ATP2A3: variants seen among roughly 807,000 people sequenced by gnomAD.
The protein encoded by ATP2A3 is ATPase sarcoplasmic/endoplasmic reticulum Ca2+ transporting 3.
ATP2A3 carries 61 observed loss-of-function variants against 106.8 expected under a neutral mutation model. The observed-to-expected ratio is 0.57, with a 90% CI of 0.46 to 0.71. The LOEUF (loss-of-function observed/expected upper bound fraction) is 0.71. Among genes scored for constraint, ATP2A3 ranks in the 30% least tolerant of loss-of-function variants. ATP2A3 has a pLI of 0.00. For missense variants in ATP2A3, 1,201 were observed against 1,423.5 expected, an observed-to-expected ratio of 0.84 and a Z score of 2.52; for synonymous variants, 611 against 609.3, an observed-to-expected ratio of 1.00 and a Z score of -0.04.
intron 5 of ATP2A3, among the ~76,000 whole-genome samples, 196 bp from the exon 6 acceptor site, chr17:3,950,969 C>T (rs1040517479): frequency 6.6e-6 from 1 of 151,908 alleles, no homozygotes; most frequent in Admixed American, 6.6e-5. Flanking sequence ...TGGAGGGATC[C>T]GACAGCCACC....
chr17:3,958,867 T>TAC lies in ATP2A3; in HGVS notation c.119-5158_119-5157insGT, dbSNP rs1467119697. The stretch of plus-strand genomic sequence containing the variant: ...ATATATAAATATATATATATATATA[T>TAC]ATACACACACACACACACACATATA... On this transcript the variant is annotated intron_variant, in intron 1 of 20. Transcript: ENST00000397041. 5.5e-4 allele frequency among the ~76,000 whole-genome samples: 56 copies of TAC among 102,524 alleles called. 1 individual carries two copies. Among genetic ancestry groups the TAC allele is most frequent in the African/African-American group, 2.6e-3 (53 of 20,216 alleles). The allele number at this position is 102,524 out of a possible 152,430, so 67.3% of individuals were successfully genotyped here. A position where few individuals can be genotyped will look rare whatever the true frequency, so the allele number is the denominator to read the frequency against.
Position 3,929,774 on chromosome 17 carries a change from T to C in ATP2A3, c.2745-329A>G, listed in dbSNP as rs1372028565. Among the ~76,000 whole-genome samples the C allele has an allele frequency of 6.6e-6, 1 of 151,032 alleles. No individual in the cohort carries two copies. Among genetic ancestry groups the C allele is most frequent in the African/African-American group, 2.4e-5 (1 of 40,936 alleles). On this transcript the variant is annotated intron_variant, in intron 18 of 20. Transcript: ENST00000397041. This position sits in a 1 kb window ranked among gnomAD's most constrained non-coding sequence, Gnocchi z 4.3. Reference sequence around the variant, plus strand: ...TTGGATCCCAATCTTGGACCCCCACTGACCCCCAGACCCTAATCCTGGACC... The same window carrying C: ...TTGGATCCCAATCTTGGACCCCCACCGACCCCCAGACCCTAATCCTGGACC...
rs1009637068 is a variant in ATP2A3, at chr17:3,948,511, C to G, written c.631-656G>C. Among the ~76,000 whole-genome samples, 6 of 152,166 alleles carry G rather than the reference C, an allele frequency of 3.9e-5. No homozygotes were observed. The South Asian group carries it at 1.0e-3, about 26-fold the overall frequency. On this transcript the variant is annotated intron_variant, in intron 7 of 20. Transcript: ENST00000397041. ...GTCTTAAGCAACGTAGCTCCAGCCC[C>G]CAACATGCAGGGCCCAGCCAGACAC... is the stretch of plus-strand genomic sequence containing the variant.
intron 1 of ATP2A3, among the ~76,000 whole-genome samples, chr17:3,954,197 C>T (rs2875752): frequency 1.3e-5 from 2 of 152,122 alleles, no homozygotes; most frequent in Non-Finnish European, 2.9e-5. Flanking sequence ...CCAGCTCAGG[C>T]GCCTTCCGCT....
rs1294599615 is a variant in ATP2A3, at chr17:3,940,043, G to GTTTTT, written c.2100+923_2100+927dup. On this transcript the variant is annotated intron_variant, in intron 14 of 20. Coordinates refer to ENST00000397041, the MANE Select transcript of ATP2A3 (RefSeq NM_005173.4). ...TAATGTGTCATATCTTTTTTTTTTT[G>GTTTTT]TTTTTTGTTTTTTTTTTTTTTGGAG... Among the ~76,000 whole-genome samples, 35 of 87,602 alleles carry GTTTTT rather than the reference G, an allele frequency of 4.0e-4. 3 individuals carry two copies. Among genetic ancestry groups the GTTTTT allele is most frequent in the Admixed American group, 5.1e-4 (4 of 7,890 alleles). The allele number at this position is 87,602 out of a possible 152,430, so 57.5% of individuals were successfully genotyped here.
intron 7 of ATP2A3, 89 bp downstream of exon 7, chr17:3,950,422 C>T (rs2054349463): frequency 1.4e-6 from 2 of 1,453,078 alleles, no homozygotes; most frequent in African/African-American, 2.8e-5. Flanking sequence ...CCTCAGCCTC[C>T]CAAAGTGCTG....
Position 3,930,723 on chromosome 17 carries a change from C to A in ATP2A3, c.2611-289G>T. Reference sequence around the variant, plus strand: ...AACAGCTGGCATTAGCCTGGGGAGGCTAGCGGGAGCCTGGAGATCACTGAA... The same window carrying A: ...AACAGCTGGCATTAGCCTGGGGAGGATAGCGGGAGCCTGGAGATCACTGAA... On this transcript the variant is annotated intron_variant, in intron 17 of 20. Coordinates refer to ENST00000397041, the MANE Select transcript of ATP2A3 (RefSeq NM_005173.4). This position sits in a 1 kb window ranked among gnomAD's most constrained non-coding sequence, Gnocchi z 5.4. 1.9e-6 allele frequency: 1 copy of A among 525,942 alleles called. No homozygotes were observed. The allele number at this position is 525,942 out of a possible 1,614,324, so 32.6% of individuals were successfully genotyped here. A position where few individuals can be genotyped will look rare whatever the true frequency, so the allele number is the denominator to read the frequency against.
Position 3,936,744 on chromosome 17 carries a change from A to G in ATP2A3, c.2322-275T>C. 2.0e-6 allele frequency: 1 copy of G among 500,420 alleles called. No individual in the cohort carries two copies. The highest frequency in any genetic ancestry group is 3.7e-6 in the Non-Finnish European group (1 of 273,480). 31.0% of individuals were successfully genotyped at this position (500,420 alleles called of 1,614,324 possible). A position where few individuals can be genotyped will look rare whatever the true frequency, so the allele number is the denominator to read the frequency against. On this transcript the variant is annotated intron_variant, in intron 15 of 20. Coordinates refer to ENST00000397041, the MANE Select transcript of ATP2A3 (RefSeq NM_005173.4). The surrounding 1 kb of genome is among the most constrained non-coding windows in gnomAD (Gnocchi z 5.4). ...AGTACACACACACACACACACACAC[A>G]CACACACACACGCACACGAAGAGGG...
rs568426969 is a variant in ATP2A3 at position 3,947,657 on chromosome 17, C to T, written c.829G>A (p.Gly277Ser). 50 of 1,612,328 alleles carry T rather than the reference C, an allele frequency of 3.1e-5. No individual in the cohort carries two copies. Among genetic ancestry groups the T allele is most frequent in the South Asian group, 1.5e-4 (14 of 91,082 alleles). ...ICVAVWVINI[G>S]HFADPAHGGS... is the part of the protein sequence containing the mutation. Reference sequence around the variant, plus strand: ...CCGTGGGCCGGGTCGGCGAAGTGGCCGATGTTGATGACCCACACGGCCACG... The same window carrying T: ...CCGTGGGCCGGGTCGGCGAAGTGGCTGATGTTGATGACCCACACGGCCACG... The change falls in exon 8 of 21, where the codon GGC becomes AGC. Residue 277 changes from glycine to serine, a missense_variant. Transcript: ENST00000397041. This position sits in a 1 kb window ranked among gnomAD's most constrained non-coding sequence, Gnocchi z 7.7.
Position 3,941,027 on chromosome 17 carries a change from C to A in ATP2A3, c.2044G>T (p.Ala682Ser), listed in dbSNP as rs1446603730. The A allele has an allele frequency of 2.5e-6, 4 of 1,613,926 alleles. No individual in the cohort carries two copies. The highest frequency in any genetic ancestry group is 3.4e-6 in the Non-Finnish European group (4 of 1,179,828). The change falls in exon 14 of 21, where the codon GCA (alanine) becomes TCA (serine). Residue 682 changes from alanine to serine, a missense_variant. By Grantham distance (99) the Ala-to-Ser change is moderately conservative (BLOSUM62 1). Around this residue, in one of 2 missense-constraint regions of ATP2A3, gnomAD observed 935 missense variants for 1,176.7 expected, o/e 0.79. Coordinates refer to ENST00000397041, the MANE Select transcript of ATP2A3 (RefSeq NM_005173.4). ...TARCFARVEP[A>S]HKSRIVENLQ... ...TTCTCCACGATGCGGGACTTGTGTGCGGGCTCCACGCGGGCGAAGCAGCGG... is the reference window on the plus strand; with the variant it reads ...TTCTCCACGATGCGGGACTTGTGTGAGGGCTCCACGCGGGCGAAGCAGCGG...
At position 3,934,049 on chromosome 17, in the gene ATP2A3, G is replaced by A. The variant is rs145605883; in HGVS notation, c.2610+1143C>T. On this transcript the variant is annotated intron_variant, in intron 17 of 20. Coordinates refer to ENST00000397041, the MANE Select transcript of ATP2A3 (RefSeq NM_005173.4). ...AGCGATTCTCCTGCCTCAGCCTCCC[G>A]AGTAGCTGGGAAAACAGGCATCCGC... 2.3e-3 allele frequency among the ~76,000 whole-genome samples: 352 copies of A among 150,916 alleles called. 9 individuals are homozygous for A. The East Asian group carries it at 0.055, about 24-fold the overall frequency.
At position 3,929,311 on chromosome 17, in the gene ATP2A3, CA is replaced by C. The variant is rs775353926; in HGVS notation, c.2862+16del. On this transcript the variant is annotated intron_variant, in intron 19 of 20. Transcript: ENST00000397041. This position sits in a 1 kb window ranked among gnomAD's most constrained non-coding sequence, Gnocchi z 4.3. ...ATGTCCAGGGACCAGGGCAGTGGGG[CA>C]GGCGGGGTGACTCACAGGCAGGGGC... is the stretch of plus-strand genomic sequence containing the variant. 10 of 1,543,662 alleles carry C rather than the reference CA, an allele frequency of 6.5e-6. No individual in the cohort carries two copies. The highest frequency in any genetic ancestry group is 7.0e-6 in the Non-Finnish European group (8 of 1,141,482).
Position 3,929,337 on chromosome 17 carries a change from C to T in ATP2A3, c.2853G>A (p.Pro951=), listed in dbSNP as rs986222785. Residue 951 remains proline, a synonymous_variant, in exon 19 of 21, where the codon CCG becomes CCA. Coordinates refer to ENST00000397041, the MANE Select transcript of ATP2A3 (RefSeq NM_005173.4). The surrounding 1 kb of genome is among the most constrained non-coding windows in gnomAD (Gnocchi z 4.3). ...AGGCGGGGTGACTCACAGGCAGGGG[C>T]GGCACGAGCAGGATGAGGAAGTGCA... The part of the protein sequence containing the change: ...MALHFLILLV[P]PLPLIFQVTP... 6.4e-6 allele frequency: 10 copies of T among 1,551,030 alleles called. No individual in the cohort carries two copies. Among genetic ancestry groups the T allele is most frequent in the East Asian group, 2.4e-5 (1 of 41,038 alleles).
chr17:3,928,390 GGGT>G lies in ATP2A3; in HGVS notation c.2980+270_2980+272del. On this transcript the variant is annotated intron_variant, in intron 20 of 20. Transcript: ENST00000397041. This position sits in a 1 kb window ranked among gnomAD's most constrained non-coding sequence, Gnocchi z 6.1. Reference sequence around the variant, plus strand: ...GCACACAGTGCCCTGGCCATGTAGGGGGTGGCAGGTGAAGACAGTGAGGCAGTG... The same window carrying G: ...GCACACAGTGCCCTGGCCATGTAGGGGGCAGGTGAAGACAGTGAGGCAGTG... 6.7e-7 allele frequency: 1 copy of G among 1,495,592 alleles called. No individual in the cohort carries two copies. Among genetic ancestry groups the G allele is most frequent in the South Asian group, 1.2e-5 (1 of 86,662 alleles). 92.6% of individuals were successfully genotyped at this position (1,495,592 alleles called of 1,614,324 possible).
intron 16 of ATP2A3, among the ~76,000 whole-genome samples, chr17:3,935,771 C>G (rs1380626903): frequency 1.3e-5 from 2 of 152,102 alleles, no homozygotes; most frequent in Admixed American, 6.5e-5. Flanking sequence ...CTCCTGACCT[C>G]AGGTGATCTG....
chr17:3,934,459 C>T lies in ATP2A3; in HGVS notation c.2610+733G>A, dbSNP rs144608898. On this transcript the variant is annotated intron_variant, in intron 17 of 20. Transcript: ENST00000397041. ...GGTCTCAAACTCCTGGGCTCAAGTACTTTGGCCTCCCAAAGTACTAGGATT... is the reference window on the plus strand; with the variant it reads ...GGTCTCAAACTCCTGGGCTCAAGTATTTTGGCCTCCCAAAGTACTAGGATT... 2.0e-3 allele frequency among the ~76,000 whole-genome samples: 310 copies of T among 151,396 alleles called. 3 individuals carry two copies. The highest frequency in any genetic ancestry group is 7.1e-3 in the African/African-American group (292 of 41,202).
At chr17:3,961,055 C>G (rs1567729932) in intron 1 of ATP2A3, among the ~76,000 whole-genome samples, 1 of 152,196 alleles carries the variant, frequency 6.6e-6, no homozygotes, top group Non-Finnish European at 1.5e-5. Flanking sequence ...GAATGACTGT[C>G]AAGGTCAAAG....
At position 3,963,988 on chromosome 17, in the gene ATP2A3, G is replaced by A. The variant is rs545350383; in HGVS notation, c.118+186C>T. Among the ~76,000 whole-genome samples, 451 of 152,136 alleles carry A rather than the reference G, an allele frequency of 3.0e-3. 2 individuals are homozygous for A. The highest frequency in any genetic ancestry group is 0.01 in the African/African-American group (433 of 41,532). On this transcript the variant is annotated intron_variant, in intron 1 of 20. Transcript: ENST00000397041. ...AGCTGGAACCCGCTCCCAGCCCCCA[G>A]CCCCCAGCCCCGGCGCCGGCGAAGG... is the stretch of plus-strand genomic sequence containing the variant.
rs1227670375 is a variant in ATP2A3 at position 3,955,215 on chromosome 17, C to A, written c.119-1505G>T. 6.6e-6 allele frequency among the ~76,000 whole-genome samples: 1 copy of A among 152,204 alleles called. No homozygotes were observed. Among genetic ancestry groups the A allele is most frequent in the Non-Finnish European group, 1.5e-5 (1 of 68,040 alleles). ...CTGGCTCTCTTCCACCTCCTTCTTCCTGACACTGGAAACAGGTCCTTGCAT... is the reference window on the plus strand; with the variant it reads ...CTGGCTCTCTTCCACCTCCTTCTTCATGACACTGGAAACAGGTCCTTGCAT... On this transcript the variant is annotated intron_variant, in intron 1 of 20. Coordinates refer to ENST00000397041, the MANE Select transcript of ATP2A3 (RefSeq NM_005173.4). This position sits in a 1 kb window ranked among gnomAD's most constrained non-coding sequence, Gnocchi z 4.2.
Sources: gnomAD v4.1 joint callset for allele counts (sites outside exome capture counted in the v4.1 genomes callset) on GRCh38, gnomAD v4.1.1 for gene constraint, gnomAD v4.1.1 regional missense constraint, Gnocchi (gnomAD v3.1) non-coding constraint, MANE v1.5 for transcripts, NCBI Gene and HGNC (gene_info 2026-07-23, HGNC 2026-07-21) for gene names.